CACNA1A: variants seen among roughly 807,000 people sequenced by gnomAD.
CACNA1A encodes voltage-dependent P/Q-type calcium channel subunit alpha-1A.
Under a neutral mutation model 262.4 loss-of-function variants are expected in CACNA1A, and 57 were observed. The ratio of observed to expected loss-of-function variants is 0.22; its 90% CI spans 0.18 to 0.27. The LOEUF (loss-of-function observed/expected upper bound fraction) is 0.27. CACNA1A is among the 10% of genes least tolerant of loss of function. The pLI is 1.00. For missense variants in CACNA1A, 2,526 were observed against 3,562.8 expected (o/e 0.71, Z 7.41); for synonymous variants, 1,431 against 1,419.3 (o/e 1.01, Z -0.18).
rs1045296752 is a variant in CACNA1A, at chr19:13,303,830, C to G, written c.2041G>C (p.Gly681Arg). ...AACACCATGCCGCCCTGCACGCCCC[C>G]CTGAGACTTGATCCCGTCGTACATG... Reference protein sequence around the residue: ...EVMYDGIKSQGGVQGGMVFSI... With the variant: ...EVMYDGIKSQRGVQGGMVFSI... The change falls in exon 16 of 47, where the codon GGG (glycine) becomes CGG (arginine). Residue 681 changes from glycine (G) to arginine (R), a missense_variant. Physicochemically the swap from Gly to Arg is moderately radical, Grantham distance 125. Transcript: ENST00000360228. The G allele has an allele frequency of 1.2e-6, 2 of 1,613,728 alleles. No individual in the cohort carries two copies. Among genetic ancestry groups the G allele is most frequent in the Non-Finnish European group, 1.7e-6 (2 of 1,179,832 alleles).
intron 3 of CACNA1A, among the ~76,000 whole-genome samples, chr19:13,399,623 G>A (rs2059865806): frequency 6.6e-6 from 1 of 152,118 alleles, no homozygotes; most frequent in Non-Finnish European, 1.5e-5. Flanking sequence ...ACCCAGAGAT[G>A]GATCCAAGCC....
chr19:13,390,926 C>T (rs746531573), intron 3 of CACNA1A, among the ~76,000 whole-genome samples: 4 of 151,844 alleles, frequency 2.6e-5, no homozygotes, highest in African/African-American at 4.8e-5. Context: ...CTTGCTTTGT[C>T]GCTAGACTGG....
chr19:13,214,980 G>GCCTCA lies in CACNA1A; in HGVS notation c.5732-377_5732-373dup. 5.0e-6 allele frequency: 1 copy of GCCTCA among 200,482 alleles called. No homozygotes were observed. The highest frequency in any genetic ancestry group is 1.0e-5 in the Non-Finnish European group (1 of 98,548). The allele number at this position is 200,482 out of a possible 1,614,324, so 12.4% of individuals were successfully genotyped here. A position where few individuals can be genotyped will look rare whatever the true frequency, so the allele number is the denominator to read the frequency against. On this transcript the variant is annotated intron_variant, in intron 38 of 46. Coordinates refer to ENST00000360228, the MANE Select transcript of CACNA1A (RefSeq NM_001127222.2). This position sits in a 1 kb window ranked among gnomAD's most constrained non-coding sequence, Gnocchi z 4.1. ...AATGGAGATGATAGCAAGAGTACTT[G>GCCTCA]CCTCACCTGGTTGTTGTGTGTGTGT...
At chr19:13,251,120 A>C (rs2056383035) in intron 30 of CACNA1A, among the ~76,000 whole-genome samples, 1 of 127,952 alleles carries the variant, frequency 7.8e-6, no homozygotes, top group Admixed American at 8.3e-5. Flanking sequence ...CAACAGAGCA[A>C]GACTGTGTCT....
At chr19:13,501,998 C>T (rs77612294) in intron 1 of CACNA1A, among the ~76,000 whole-genome samples, 1,642 of 152,192 alleles carry the variant, frequency 0.011, 13 homozygotes, top group Admixed American at 0.017. Context: ...CCAGCCAAGC[C>T]GGTCTAGTAC....
rs879533992 is a variant in CACNA1A at position 13,486,362 on chromosome 19, T to TCCTC, written c.293+19569_293+19570insGAGG. The stretch of plus-strand genomic sequence containing the variant: ...GTTCCTACACTGCTCTCTAGGTTTG[T>TCCTC]TCTGTCTCTCTCTCTCTCTCTCTGT... On this transcript the variant is annotated intron_variant, in intron 1 of 46. Coordinates refer to ENST00000360228, the MANE Select transcript of CACNA1A (RefSeq NM_001127222.2). Among the ~76,000 whole-genome samples, 5 of 150,582 alleles carry TCCTC rather than the reference T, an allele frequency of 3.3e-5. No homozygotes were observed. The South Asian group carries it at 8.4e-4, about 25-fold the overall frequency.
At chr19:13,313,352 T>G (rs1453550056) in intron 11 of CACNA1A, among the ~76,000 whole-genome samples, 4 of 151,916 alleles carry the variant, frequency 2.6e-5, no homozygotes, top group African/African-American at 9.7e-5. Flanking sequence ...AATACAAAAA[T>G]TAGCCAGTGT....
chr19:13,428,148 G>A (rs566690612), intron 3 of CACNA1A, among the ~76,000 whole-genome samples: 1 of 152,276 alleles, frequency 6.6e-6, no homozygotes, highest in East Asian at 1.9e-4. Context: ...GGCTATTCTT[G>A]AACTCCTGAC....
chr19:13,388,549 TG>T (rs1467634060), intron 3 of CACNA1A, among the ~76,000 whole-genome samples: 1 of 152,148 alleles, frequency 6.6e-6, no homozygotes, highest in Non-Finnish European at 1.5e-5. Flanking sequence ...AGCCACCCCC[TG>T]GCGAGAAAAC....
rs557537005 is a variant in CACNA1A, at chr19:13,501,469, C to T, written c.293+4463G>A. Among the ~76,000 whole-genome samples, 5 of 152,184 alleles carry T rather than the reference C, an allele frequency of 3.3e-5. No individual in the cohort carries two copies. The South Asian group carries it at 1.0e-3, about 32-fold the overall frequency. Reference sequence around the variant, plus strand: ...GATTATAGGCGTGAACCACCAGACCCGGCCCCTATAAACCTGATTTTTAAG... The same window carrying T: ...GATTATAGGCGTGAACCACCAGACCTGGCCCCTATAAACCTGATTTTTAAG... On this transcript the variant is annotated intron_variant, in intron 1 of 46. Coordinates refer to ENST00000360228, the MANE Select transcript of CACNA1A (RefSeq NM_001127222.2).
In CACNA1A at chr19:13,303,422, G is replaced by A. The variant is rs930293631; in HGVS notation, c.2172+124C>T. ...CCTTCTCTTTGCATGGTGCATCCCC[G>A]GCAAAAGTTCTAACCCTGTTCCCAT... On this transcript the variant is annotated intron_variant, in intron 17 of 46. Transcript: ENST00000360228. The A allele has an allele frequency of 6.6e-5, 45 of 676,798 alleles. No homozygotes were observed. The East Asian group carries it at 1.2e-3, about 17-fold the overall frequency. The allele number at this position is 676,798 out of a possible 1,614,324, so 41.9% of individuals were successfully genotyped here.
chr19:13,247,317 A>G (rs746791758), intron 30 of CACNA1A, among the ~76,000 whole-genome samples: 9 of 152,260 alleles, frequency 5.9e-5, no homozygotes, highest in East Asian at 1.9e-4. Context: ...CAGCAATCAG[A>G]CAATGAATGT....
At chr19:13,460,529 T>C (rs1466016336) in intron 1 of CACNA1A, among the ~76,000 whole-genome samples, 1 of 152,184 alleles carries the variant, frequency 6.6e-6, no homozygotes, top group Non-Finnish European at 1.5e-5. Context: ...TTCAGCCTAA[T>C]GCATGTGGAA....
intron 1 of CACNA1A, among the ~76,000 whole-genome samples, chr19:13,499,641 A>G (rs1982132950): frequency 6.6e-6 from 1 of 152,114 alleles, no homozygotes; most frequent in Non-Finnish European, 1.5e-5. Flanking sequence ...GAGCCCTCCA[A>G]GGGAGATGCT....
chr19:13,283,614 C>T (rs747062875), intron 21 of CACNA1A: 13 of 521,282 alleles, frequency 2.5e-5, no homozygotes, highest in Non-Finnish European at 4.1e-5. Flanking sequence ...ATTCACATGC[C>T]CTGTTTAGCA....
intron 3 of CACNA1A, among the ~76,000 whole-genome samples, chr19:13,425,482 A>G (rs1444208966): frequency 6.6e-6 from 1 of 152,206 alleles, no homozygotes; most frequent in East Asian, 1.9e-4. Flanking sequence ...TTCAGGTAAG[A>G]AACCTGAAGT....
Position 13,299,073 on chromosome 19 carries a change from C to A in CACNA1A, c.2560G>T (p.Ala854Ser). 2 of 1,608,766 alleles carry A rather than the reference C, an allele frequency of 1.2e-6. No individual in the cohort carries two copies. Among genetic ancestry groups the A allele is most frequent in the South Asian group, 1.1e-5 (1 of 90,850 alleles). The change falls in exon 19 of 47, where the codon GCC (alanine) becomes TCC (serine). Residue 854 changes from alanine (A) to serine (S), a missense_variant. By Grantham distance (99) the Ala-to-Ser change is moderately conservative. Around this residue, in one of 17 missense-constraint regions of CACNA1A, gnomAD observed 765 missense variants for 748.6 expected, o/e 1.02. Transcript: ENST00000360228. ...GCCTGTTTCCTGAGGAAGTCCTCGG[C>A]GCGCTGCTGGCCGAGGCGCTGGTCC... Reference protein sequence around the residue: ...TVDQRLGQQRAEDFLRKQARY... With the variant: ...TVDQRLGQQRSEDFLRKQARY...
chr19:13,485,025 C>T (rs1318402272), intron 1 of CACNA1A, among the ~76,000 whole-genome samples: 1 of 152,170 alleles, frequency 6.6e-6, no homozygotes, highest in African/African-American at 2.4e-5. Context: ...TAACTCAGTG[C>T]CTGGCACACA....
At chr19:13,466,307 C>CTT (rs558130236) in intron 1 of CACNA1A, among the ~76,000 whole-genome samples, 1 of 134,216 alleles carries the variant, frequency 7.5e-6, no homozygotes, top group Non-Finnish European at 1.6e-5. Flanking sequence ...AGGCTCTGTC[C>CTT]TTTTTTTTTT....
Sources: allele counts gnomAD v4.1 joint callset (sites outside exome capture counted in the v4.1 genomes callset), GRCh38; gene constraint gnomAD v4.1.1; regional missense constraint gnomAD v4.1.1; non-coding constraint Gnocchi (gnomAD v3.1); transcripts MANE v1.5; gene names NCBI Gene and HGNC (gene_info 2026-07-23, HGNC 2026-07-21).